Variants in AUTS2 observed in about 807,000 individuals in gnomAD.
AUTS2 encodes the protein activator of transcription and developmental regulator AUTS2.
Under a neutral mutation model 112.4 loss-of-function variants are expected in AUTS2, and 17 were observed. That is an observed-to-expected ratio of 0.15 (90% CI 0.10 to 0.23). The LOEUF (loss-of-function observed/expected upper bound fraction) is 0.23, where lower values mean the gene tolerates loss of function less well. Ranked by LOEUF, AUTS2 falls within the 10% of genes least tolerant of loss-of-function variation. AUTS2 has a pLI of 1.00. For missense variants in AUTS2, 1,510 were observed against 1,701.6 expected, an observed-to-expected ratio of 0.89 and a Z score of 1.98; for synonymous variants, 751 against 702.7, an observed-to-expected ratio of 1.07 and a Z score of -1.09.
chr7:69,788,559 C>T (rs1037101056), intron 1 of AUTS2, among the ~76,000 whole-genome samples: 1 of 152,126 alleles, frequency 6.6e-6, no homozygotes, highest in Non-Finnish European at 1.5e-5. Flanking sequence ...TTTCTAAAGT[C>T]CTTACAGTAG....
chr7:70,426,522 G>T (rs768560648), intron 4 of AUTS2, among the ~76,000 whole-genome samples: 2 of 151,972 alleles, frequency 1.3e-5, no homozygotes, highest in South Asian at 2.1e-4. Context: ...CTTTCCCTCC[G>T]CTCACTTTCT....
chr7:70,003,939 ATG>A (rs1350347458), intron 2 of AUTS2, among the ~76,000 whole-genome samples: 3 of 80,414 alleles, frequency 3.7e-5, no homozygotes, highest in African/African-American at 5.9e-5. Flanking sequence ...TATATTATAT[ATG>A]AATGTGTTAT....
intron 5 of AUTS2, among the ~76,000 whole-genome samples, chr7:70,480,254 G>C (rs938588501): frequency 3.9e-5 from 6 of 152,252 alleles, no homozygotes; most frequent in African/African-American, 1.4e-4. Flanking sequence ...TGAGCCAGGA[G>C]TGTGAGCCGG....
intron 2 of AUTS2, among the ~76,000 whole-genome samples, chr7:70,114,944 TAA>T (rs913582567): frequency 7.2e-5 from 11 of 152,242 alleles, no homozygotes; most frequent in African/African-American, 1.4e-4. Context: ...CTTAAAATCC[TAA>T]GTTTCCTTTA....
At chr7:69,697,887 C>G (rs1036728217) in intron 1 of AUTS2, among the ~76,000 whole-genome samples, 22 of 152,188 alleles carry the variant, frequency 1.4e-4, no homozygotes, top group African/African-American at 5.1e-4. Context: ...CAGCATGCCG[C>G]TTTTCCTTCA....
intron 5 of AUTS2, among the ~76,000 whole-genome samples, chr7:70,619,611 T>C (rs1201577325): frequency 6.6e-6 from 1 of 151,972 alleles, no homozygotes; most frequent in Non-Finnish European, 1.5e-5. Flanking sequence ...GTATATTTTA[T>C]AACCCTGGCA....
chr7:70,152,362 A>G (rs566525218), intron 4 of AUTS2, among the ~76,000 whole-genome samples: 108 of 152,256 alleles, frequency 7.1e-4, no homozygotes, highest in African/African-American at 2.5e-3. Flanking sequence ...TAAGAAAGGG[A>G]AAATCTTATA....
chr7:69,784,083 C>T (rs1789260615), intron 1 of AUTS2, among the ~76,000 whole-genome samples: 1 of 152,124 alleles, frequency 6.6e-6, no homozygotes, highest in Non-Finnish European at 1.5e-5. Context: ...AGCCATTAAA[C>T]TACCCAAAAT....
chr7:69,774,861 G>C (rs767001483), intron 1 of AUTS2, among the ~76,000 whole-genome samples: 2 of 152,068 alleles, frequency 1.3e-5, no homozygotes, highest in Non-Finnish European at 2.9e-5. Flanking sequence ...TAATGCCCCA[G>C]GTGGTTCTTG....
In AUTS2 at chr7:70,619,618, G is replaced by A. The variant is rs189326698; in HGVS notation, c.691-78951G>A. Among the ~76,000 whole-genome samples the A allele has an allele frequency of 3.1e-3, 463 of 151,718 alleles. 7 individuals carry two copies. Among genetic ancestry groups the A allele is most frequent in the Admixed American group, 2.5e-3 (38 of 15,260 alleles). On this transcript the variant is annotated intron_variant, in intron 5 of 18. Transcript: ENST00000342771. ...AATATATTGTATATTTTATAACCCTGGCATTTTGTTTTTCAAGAGGTGTTG... is the reference window on the plus strand; with the variant it reads ...AATATATTGTATATTTTATAACCCTAGCATTTTGTTTTTCAAGAGGTGTTG...
intron 4 of AUTS2, among the ~76,000 whole-genome samples, chr7:70,257,065 A>G (rs1443387822): frequency 2.0e-5 from 3 of 152,310 alleles, no homozygotes; most frequent in African/African-American, 4.8e-5. Flanking sequence ...TAGTCCTTAC[A>G]TGATGGTCCG....
intron 5 of AUTS2, among the ~76,000 whole-genome samples, chr7:70,489,652 A>G (rs1476360334): frequency 6.6e-6 from 1 of 152,084 alleles, no homozygotes; most frequent in Non-Finnish European, 1.5e-5. Flanking sequence ...TCATCAACAC[A>G]TTTGACAAAT....
intron 5 of AUTS2, among the ~76,000 whole-genome samples, chr7:70,629,960 T>C (rs1805171488): frequency 6.6e-6 from 1 of 152,204 alleles, no homozygotes; most frequent in African/African-American, 2.4e-5. Flanking sequence ...ATCATTTATA[T>C]GTCATGCTAA....
chr7:70,436,085 A>C (rs906396810), intron 5 of AUTS2: 2 of 301,994 alleles, frequency 6.6e-6, no homozygotes, highest in Non-Finnish European at 1.2e-5. Context: ...TATTTATTTT[A>C]ATAACCATCT....
chr7:70,639,173 A>G (rs143052317), intron 5 of AUTS2, among the ~76,000 whole-genome samples: 1 of 152,192 alleles, frequency 6.6e-6, no homozygotes, highest in South Asian at 2.1e-4. Context: ...TGCCGCCGCC[A>G]CCACCACACC....
In AUTS2 at chr7:69,887,490, C is replaced by T. The variant is rs147051986; in HGVS notation, c.310-11796C>T. On this transcript the variant is annotated intron_variant, in intron 1 of 18. Coordinates refer to ENST00000342771, the MANE Select transcript of AUTS2 (RefSeq NM_015570.4). ...GGAAGCTAGAAGGCCTCCTCCAGGA[C>T]AGAGAAGTAATCATTTTACACTTAT... Among the ~76,000 whole-genome samples, 308 of 150,596 alleles carry T rather than the reference C, an allele frequency of 2.0e-3. 2 individuals carry two copies. The highest frequency in any genetic ancestry group is 7.0e-3 in the Middle Eastern group (2 of 284).
chr7:70,684,191 A>G (rs2129545514), intron 5 of AUTS2, among the ~76,000 whole-genome samples: 1 of 152,304 alleles, frequency 6.6e-6, no homozygotes, highest in Admixed American at 6.5e-5. Flanking sequence ...CAGGAGTCAA[A>G]TTTTCAGTAC....
At chr7:70,578,345 T>G (rs1298752064) in intron 5 of AUTS2, among the ~76,000 whole-genome samples, 1 of 152,230 alleles carries the variant, frequency 6.6e-6, no homozygotes, top group Non-Finnish European at 1.5e-5. Flanking sequence ...CATCAAAGGC[T>G]AAATCGATTA....
intron 4 of AUTS2, among the ~76,000 whole-genome samples, chr7:70,345,958 T>C (rs2129621327): frequency 6.6e-6 from 1 of 152,322 alleles, no homozygotes; most frequent in East Asian, 1.9e-4. Context: ...ATAATCTATG[T>C]CAGAAGTCTA....
Sources: gnomAD v4.1 joint callset for allele counts (sites outside exome capture counted in the v4.1 genomes callset) on GRCh38, gnomAD v4.1.1 for gene constraint, MANE v1.5 for transcripts, NCBI Gene and HGNC (gene_info 2026-07-23, HGNC 2026-07-21) for gene names.